Variants in TAP1 observed in about 807,000 individuals in gnomAD.
TAP1 encodes the protein antigen peptide transporter 1.
A neutral mutation model predicts 79.3 loss-of-function variants in TAP1; 56 were observed. That is an observed-to-expected ratio of 0.71 (90% confidence interval 0.57 to 0.88). The LOEUF is 0.88. Ranked by LOEUF, TAP1 falls within the 40% of genes least tolerant of loss-of-function variation. The probability of loss-of-function intolerance (pLI) is 0.00; values close to 1 mark genes in which losing one functional copy is unlikely to be tolerated. For synonymous variants in TAP1, 355 were observed against 401.4 expected (o/e 0.88, Z 1.38); for missense variants, 737 against 936.3 (o/e 0.79, Z 2.78).
Position 32,850,807 on chromosome 6 carries a change from G to C in TAP1, c.1050+137C>G. ...AGCAACCTGGGAACATGGACCACAG[G>C]GACAGGGTGTTCCATGAAGATGGAG... is the stretch of plus-strand genomic sequence containing the variant. On this transcript the variant is annotated intron_variant, in intron 4 of 10. Transcript: ENST00000354258. The surrounding 1 kb of genome is among the most constrained non-coding windows in gnomAD (Gnocchi z 5.5). 2.3e-6 allele frequency: 2 copies of C among 884,642 alleles called. No homozygotes were observed. The highest frequency in any genetic ancestry group is 2.7e-5 in the South Asian group (2 of 73,252). 54.8% of individuals were successfully genotyped at this position (884,642 alleles called of 1,614,324 possible). A position where few individuals can be genotyped will look rare whatever the true frequency, so the allele number is the denominator to read the frequency against.
At chr6:32,849,260 G>C in intron 5 of TAP1, 142 bp from the exon 6 acceptor site, 1 of 984,030 alleles carries the variant, frequency 1.0e-6, no homozygotes, top group Non-Finnish European at 1.5e-6. Flanking sequence ...ACAGGAGAAT[G>C]AACCAGAGAC....
chr6:32,848,948 A>C, intron 6 of TAP1, 42 bp downstream of exon 6: 4 of 1,612,804 alleles, frequency 2.5e-6, no homozygotes, highest in Non-Finnish European at 3.4e-6. Context: ...GCTGGGCCAG[A>C]GGAAGGAATC....
Position 32,845,465 on chromosome 6 carries a change from A to C in TAP1, c.*114T>G. The C allele has an allele frequency of 9.8e-6, 11 of 1,127,670 alleles. No homozygotes were observed. The highest frequency in any genetic ancestry group is 1.5e-5 in the Non-Finnish European group (11 of 757,658). The allele number at this position is 1,127,670 out of a possible 1,614,324, so 69.9% of individuals were successfully genotyped here. ...GCTTGGAAAGGAGGTAACACACTCA[A>C]GGCAAATTTCAAGTAACTCATCCTG... On this transcript the variant is annotated 3_prime_UTR_variant, in exon 11 of 11. Transcript: ENST00000354258. This position sits in a 1 kb window ranked among gnomAD's most constrained non-coding sequence, Gnocchi z 4.5.
Position 32,853,031 on chromosome 6 carries a change from C to A in TAP1, c.598+8G>T. 1 of 1,610,912 alleles carries A rather than the reference C, an allele frequency of 6.2e-7. No homozygotes were observed. The highest frequency in any genetic ancestry group is 8.5e-7 in the Non-Finnish European group (1 of 1,179,902). On this transcript the variant is annotated splice_region_variant and intron_variant, in intron 1 of 10. Transcript: ENST00000354258. The surrounding 1 kb of genome is among the most constrained non-coding windows in gnomAD (Gnocchi z 8.3). The stretch of plus-strand genomic sequence containing the variant: ...GTGTCCTCCCCTCTTGCCCTGCGTT[C>A]CCCTTACCAAGAGAGGAGAGGACCA...
In TAP1 at chr6:32,851,039, T is replaced by A. The variant is rs748668600; in HGVS notation, c.955A>T (p.Ile319Phe). The change falls in exon 4 of 11, where the codon ATC becomes TTC. Residue 319 changes from isoleucine (I) to phenylalanine (F), a missense_variant. Ile to Phe is a conservative substitution (Grantham distance 21, BLOSUM62 0). Around this residue, in one of 5 missense-constraint regions of TAP1, gnomAD observed 406 missense variants for 477.2 expected, o/e 0.85. Transcript: ENST00000354258. The surrounding 1 kb of genome is among the most constrained non-coding windows in gnomAD (Gnocchi z 4.8). Reference protein sequence around the residue: ...YLVRGLCLLGIMLWGSVSLTM... With the variant: ...YLVRGLCLLGFMLWGSVSLTM... Reference sequence around the variant, plus strand: ...AGGGACACTGATCCCCAGAGCATGATCCCCAAGAGACATAGGCCTCGCACC... The same window carrying A: ...AGGGACACTGATCCCCAGAGCATGAACCCCAAGAGACATAGGCCTCGCACC... 1.2e-5 allele frequency: 19 copies of A among 1,612,728 alleles called. No homozygotes were observed. Among genetic ancestry groups the A allele is most frequent in the Admixed American group, 1.2e-4 (7 of 59,988 alleles).
rs1019200817 is a variant in TAP1 at position 32,851,035 on chromosome 6, A to T, written c.959T>A (p.Met320Lys). 3.1e-6 allele frequency: 5 copies of T among 1,612,952 alleles called. No homozygotes were observed. The highest frequency in any genetic ancestry group is 4.2e-6 in the Non-Finnish European group (5 of 1,180,032). The change falls in exon 4 of 11, where the codon ATG becomes AAG. Residue 320 changes from methionine (M) to lysine (K), a missense_variant. Physicochemically the swap from Met to Lys is moderately conservative, Grantham distance 95. Around this residue, in one of 5 missense-constraint regions of TAP1, gnomAD observed 406 missense variants for 477.2 expected, o/e 0.85. Coordinates refer to ENST00000354258, the MANE Select transcript of TAP1 (RefSeq NM_000593.6). The surrounding 1 kb of genome is among the most constrained non-coding windows in gnomAD (Gnocchi z 4.8). Reference protein sequence around the residue: ...LVRGLCLLGIMLWGSVSLTMV... With the variant: ...LVRGLCLLGIKLWGSVSLTMV... ...GGTGAGGGACACTGATCCCCAGAGC[A>T]TGATCCCCAAGAGACATAGGCCTCG...
rs1274137362 is a variant in TAP1 at position 32,851,908 on chromosome 6, TGTG to T, written c.844+198_844+200del. Among the ~76,000 whole-genome samples the T allele has an allele frequency of 1.1e-5, 1 of 95,062 alleles. No homozygotes were observed. Among genetic ancestry groups the T allele is most frequent in the Non-Finnish European group, 2.1e-5 (1 of 48,152 alleles). The allele number at this position is 95,062 out of a possible 152,430, so 62.4% of individuals were successfully genotyped here. On this transcript the variant is annotated intron_variant, in intron 3 of 10. Coordinates refer to ENST00000354258, the MANE Select transcript of TAP1 (RefSeq NM_000593.6). This position sits in a 1 kb window ranked among gnomAD's most constrained non-coding sequence, Gnocchi z 4.8. ...GTATATCAAGAATGAGAAAAACAATTGTGTGTGTGTGTGTGTGAGAGAGAGAGA... is the reference window on the plus strand; with the variant it reads ...GTATATCAAGAATGAGAAAAACAATTTGTGTGTGTGTGTGAGAGAGAGAGA...
rs1770715600 is a variant in TAP1, at chr6:32,850,476, G to A, written c.1092C>T (p.Ser364=). ...CCGACAGAGCCTCAATGGCCACCTGGCTGGACTTTGCCAGAGATTCCCGCA... is the reference window on the plus strand; with the variant it reads ...CCGACAGAGCCTCAATGGCCACCTGACTGGACTTTGCCAGAGATTCCCGCA... ...VQVRESLAKS[S]QVAIEALSAM... is the part of the protein sequence containing the mutation. Residue 364 remains serine (S), a synonymous_variant, in exon 5 of 11, where the codon AGC becomes AGT. Transcript: ENST00000354258. This position sits in a 1 kb window ranked among gnomAD's most constrained non-coding sequence, Gnocchi z 5.5. 9.9e-6 allele frequency: 16 copies of A among 1,613,950 alleles called. No individual in the cohort carries two copies. The highest frequency in any genetic ancestry group is 1.4e-5 in the Non-Finnish European group (16 of 1,180,040).
chr6:32,846,036 A>G (rs1010673626), intron 10 of TAP1: 10 of 583,486 alleles, frequency 1.7e-5, no homozygotes, highest in Non-Finnish European at 3.1e-5. Context: ...AGAAGAATAA[A>G]GACTATTGAA....
rs759173526 is a variant in TAP1, at chr6:32,853,165, C to T, written c.472G>A (p.Gly158Arg). Residue 158 changes from glycine (G) to arginine (R), a missense_variant, in exon 1 of 11, where the codon GGG becomes AGG. By Grantham distance (125) the Gly-to-Arg change is moderately radical. This residue lies in a region of TAP1 where 406 missense variants were observed against 477.2 expected (regional missense o/e 0.85). Coordinates refer to ENST00000354258, the MANE Select transcript of TAP1 (RefSeq NM_000593.6). This position sits in a 1 kb window ranked among gnomAD's most constrained non-coding sequence, Gnocchi z 8.3. ...LPAAALWHKL[G>R]SLWVPGGQGG... ...TGACCGCCGGGCACCCAGAGGCTCCCGAGTTTGTGCCACAGGGCTGCTGCG... is the reference window on the plus strand; with the variant it reads ...TGACCGCCGGGCACCCAGAGGCTCCTGAGTTTGTGCCACAGGGCTGCTGCG... 2 of 1,612,566 alleles carry T rather than the reference C, an allele frequency of 1.2e-6. No homozygotes were observed. Among genetic ancestry groups the T allele is most frequent in the South Asian group, 2.2e-5 (2 of 90,970 alleles).
intron 7 of TAP1, 117 bp downstream of exon 7, chr6:32,848,535 T>A: frequency 8.4e-7 from 1 of 1,186,156 alleles, no homozygotes; most frequent in Admixed American, 1.7e-5. Flanking sequence ...TACCATTGCC[T>A]TTAAAGGGTT....
Position 32,853,329 on chromosome 6 carries a change from A to T in TAP1, c.308T>A (p.Leu103Gln). ...LAALKPLAAA[L>Q]GLALPGLALF... ...GGCAAGTCCCGGCAGGGCCAAGCCC[A>T]GTGCCGCAGCTAATGGCTTCAAAGC... The change falls in exon 1 of 11, where the codon CTG becomes CAG. Residue 103 changes from leucine to glutamine, a missense_variant. Physicochemically the swap from Leu to Gln is moderately radical, Grantham distance 113. Transcript: ENST00000354258. The surrounding 1 kb of genome is among the most constrained non-coding windows in gnomAD (Gnocchi z 8.3). The T allele has an allele frequency of 6.3e-7, 1 of 1,581,346 alleles. No homozygotes were observed. The highest frequency in any genetic ancestry group is 8.6e-7 in the Non-Finnish European group (1 of 1,163,318).
Position 32,848,036 on chromosome 6 carries a change from C to T in TAP1, c.1623G>A (p.Gly541=), listed in dbSNP as rs1770548776. The T allele has an allele frequency of 6.2e-7, 1 of 1,613,088 alleles. No individual in the cohort carries two copies. Among genetic ancestry groups the T allele is most frequent in the Non-Finnish European group, 8.5e-7 (1 of 1,180,014 alleles). The change falls in exon 8 of 11, where the codon GGG becomes GGA. Residue 541 remains glycine, a synonymous_variant. Transcript: ENST00000354258. ...GEVTALVGPN[G]SGKSTVAALL... Reference sequence around the variant, plus strand: ...GGGCAGCCACTGTGCTCTTCCCAGACCCATTGGGTCCCACCAGCGCCGTCA... The same window carrying T: ...GGGCAGCCACTGTGCTCTTCCCAGATCCATTGGGTCCCACCAGCGCCGTCA...
chr6:32,851,096 T>A lies in TAP1; in HGVS notation c.898A>T (p.Ser300Cys). The change falls in exon 4 of 11, where the codon AGT becomes TGT. Residue 300 changes from serine to cysteine, a missense_variant. By Grantham distance (112) the Ser-to-Cys change is moderately radical (BLOSUM62 -1). Coordinates refer to ENST00000354258, the MANE Select transcript of TAP1 (RefSeq NM_000593.6). The surrounding 1 kb of genome is among the most constrained non-coding windows in gnomAD (Gnocchi z 4.8). ...EDTSTLSDSL[S>C]ENLSLFLWYL... ...CACAGAAATAAGCTCAGATTCTCAC[T>A]CAGAGAATCACTCAGGGTGGACGTG... The A allele has an allele frequency of 6.2e-7, 1 of 1,612,942 alleles. No individual in the cohort carries two copies. Among genetic ancestry groups the A allele is most frequent in the Non-Finnish European group, 8.5e-7 (1 of 1,180,002 alleles).
Position 32,845,724 on chromosome 6 carries a change from T to TGGGTGATGG in TAP1, c.2101_2102insCCATCACCC (p.Thr700_Gln701insProIleThr). The stretch of plus-strand genomic sequence containing the variant: ...AGCCTGCTCCACCAGGCTGAGGTGC[T>TGGGTGATGG]GGGTGATGAGAAGCACTGAGCGGGA... On this transcript the variant is annotated inframe_insertion, in exon 11 of 11. Transcript: ENST00000354258. This position sits in a 1 kb window ranked among gnomAD's most constrained non-coding sequence, Gnocchi z 4.5. 6.2e-7 allele frequency: 1 copy of TGGGTGATGG among 1,613,034 alleles called. No homozygotes were observed. Among genetic ancestry groups the TGGGTGATGG allele is most frequent in the South Asian group, 1.1e-5 (1 of 91,082 alleles).
chr6:32,845,801 G>C lies in TAP1; in HGVS notation c.2041-16C>G. On this transcript the variant is annotated splice_polypyrimidine_tract_variant and intron_variant, in intron 10 of 10. Transcript: ENST00000354258. This position sits in a 1 kb window ranked among gnomAD's most constrained non-coding sequence, Gnocchi z 4.5. ...GCTGCTCCACCTGAGGAAAGACATC[G>C]GACCGTCAGAGCCGGGGACTACCCT... is the stretch of plus-strand genomic sequence containing the variant. 1.9e-6 allele frequency: 3 copies of C among 1,607,196 alleles called. No individual in the cohort carries two copies. The highest frequency in any genetic ancestry group is 2.5e-6 in the Non-Finnish European group (3 of 1,178,810).
rs1420360553 is a variant in TAP1 at position 32,853,407 on chromosome 6, C to A, written c.230G>T (p.Arg77Met). Residue 77 changes from arginine (R) to methionine (M), a missense_variant, in exon 1 of 11, where the codon AGG (arginine) becomes ATG (methionine). Physicochemically the swap from Arg to Met is moderately conservative, Grantham distance 91 (BLOSUM62 -1). Transcript: ENST00000354258. The surrounding 1 kb of genome is among the most constrained non-coding windows in gnomAD (Gnocchi z 8.3). Reference sequence around the variant, plus strand: ...TTCGCTCTTGGAGCCAACCGTTGCCCTGAGGACCCCGCAGGCCCCCAGCCA... The same window carrying A: ...TTCGCTCTTGGAGCCAACCGTTGCCATGAGGACCCCGCAGGCCCCCAGCCA... Reference protein sequence around the residue: ...VLWLGACGVLRATVGSKSENA... With the variant: ...VLWLGACGVLMATVGSKSENA... 6.2e-7 allele frequency: 1 copy of A among 1,610,134 alleles called. No homozygotes were observed. Among genetic ancestry groups the A allele is most frequent in the African/African-American group, 1.3e-5 (1 of 74,884 alleles).
At chr6:32,849,416 A>G in intron 5 of TAP1, 3 of 500,772 alleles carry the variant, frequency 6.0e-6, no homozygotes, top group Non-Finnish European at 1.1e-5. Flanking sequence ...GAGCCTTATA[A>G]AGAAGGTTAT....
At chr6:32,849,885 C>T (rs1481662740) in intron 5 of TAP1, 5 of 220,740 alleles carry the variant, frequency 2.3e-5, no homozygotes, top group African/African-American at 4.5e-5. Flanking sequence ...CCAGGATCTT[C>T]GGATCACTGG....
Sources: gnomAD v4.1 joint callset for allele counts (sites outside exome capture counted in the v4.1 genomes callset) on GRCh38, gnomAD v4.1.1 for gene constraint, gnomAD v4.1.1 regional missense constraint, Gnocchi (gnomAD v3.1) non-coding constraint, MANE v1.5 for transcripts, NCBI Gene and HGNC (gene_info 2026-07-23, HGNC 2026-07-21) for gene names.